LMNTD1: variants seen among roughly 807,000 people sequenced by gnomAD.
LMNTD1 encodes lamin tail domain containing 1.
In LMNTD1, 35 loss-of-function variants were observed where a neutral mutation model predicts 50.9. The ratio of observed to expected loss-of-function variants is 0.69; its 90% CI spans 0.53 to 0.91. The LOEUF (loss-of-function observed/expected upper bound fraction) is 0.91. Among genes scored for constraint, LMNTD1 ranks in the 40% least tolerant of loss-of-function variants. The pLI, the probability that LMNTD1 is intolerant of heterozygous loss-of-function variation, is 0.00. For synonymous variants in LMNTD1, 153 were observed against 161.9 expected (o/e 0.94, Z 0.42); for missense variants, 470 against 475.5 (o/e 0.99, Z 0.11).
intron 3 of LMNTD1, chr12:25,547,156 T>A: frequency 1.2e-6 from 1 of 835,308 alleles, no homozygotes; most frequent in Non-Finnish European, 1.4e-6. Context: ...ACAATATAGT[T>A]TTCATAATTT....
intron 1 of LMNTD1, among the ~76,000 whole-genome samples, chr12:25,635,101 A>G (rs774369367): frequency 9.1e-4 from 138 of 152,098 alleles, no homozygotes; most frequent in Non-Finnish European, 1.8e-3. Flanking sequence ...TTAGCCGGGC[A>G]TCGTGGCACA....
At chr12:25,578,902 G>T (rs1945150787) in intron 1 of LMNTD1, among the ~76,000 whole-genome samples, 1 of 152,136 alleles carries the variant, frequency 6.6e-6, no homozygotes, top group Admixed American at 6.5e-5. Flanking sequence ...AATATGATGT[G>T]CAATCTATAA....
intron 2 of LMNTD1, among the ~76,000 whole-genome samples, chr12:25,551,005 A>G (rs548090902): frequency 6.6e-6 from 1 of 152,362 alleles, no homozygotes; most frequent in South Asian, 2.1e-4. Flanking sequence ...TACACTATTG[A>G]GTATGACCGT....
chr12:25,562,971 T>C (rs1242505511), intron 1 of LMNTD1, among the ~76,000 whole-genome samples: 4 of 152,256 alleles, frequency 2.6e-5, no homozygotes, highest in African/African-American at 9.6e-5. Context: ...TCTCGTGCCA[T>C]GGTTTTCAGC....
intron 1 of LMNTD1, chr12:25,592,397 C>A (rs1945727129): frequency 6.6e-6 from 1 of 152,166 alleles, no homozygotes; most frequent in Non-Finnish European, 1.5e-5. Context: ...ACTGTGAGTG[C>A]CCAAACTTTG....
chr12:25,574,968 C>T (rs1027125209), intron 1 of LMNTD1, among the ~76,000 whole-genome samples: 1 of 152,136 alleles, frequency 6.6e-6, no homozygotes, highest in Non-Finnish European at 1.5e-5. Flanking sequence ...TTACCTGGCT[C>T]TTTGAGAGGT....
chr12:25,490,706 C>T (rs932830316), intron 9 of LMNTD1, among the ~76,000 whole-genome samples: 3 of 152,144 alleles, frequency 2.0e-5, no homozygotes, highest in African/African-American at 7.2e-5. Context: ...AGCCAGCAAT[C>T]CTAATTGAAT....
upstream of LMNTD1, among the ~76,000 whole-genome samples, chr12:25,554,057 C>T (rs1612039): frequency 0.64 from 97,241 of 152,038 alleles, 31,928 homozygotes; most frequent in Non-Finnish European, 0.71. Flanking sequence ...ACGTGTAACA[C>T]GTAATAAGGT....
chr12:25,590,397 C>T (rs1945660353), intron 1 of LMNTD1, among the ~76,000 whole-genome samples: 1 of 152,198 alleles, frequency 6.6e-6, no homozygotes, highest in Admixed American at 6.5e-5. Context: ...GCAGTCCGAA[C>T]TTGAGTTTCC....
intron 9 of LMNTD1, among the ~76,000 whole-genome samples, chr12:25,502,104 G>A (rs886157237): frequency 1.9e-4 from 29 of 152,106 alleles, no homozygotes; most frequent in African/African-American, 6.5e-4. Context: ...GTCTTTTACC[G>A]TGGTAGTTAA....
At chr12:25,622,463 G>GGCCC (rs1946491734) in intron 1 of LMNTD1, among the ~76,000 whole-genome samples, 15 of 111,218 alleles carry the variant, frequency 1.3e-4, no homozygotes, top group Non-Finnish European at 2.4e-4. Context: ...GAGTTTGTGA[G>GGCCC]CCCGCCCCCC....
chr12:25,552,202 A>C lies in LMNTD1; in HGVS notation c.89+669T>G, dbSNP rs923214616. Among the ~76,000 whole-genome samples, 11 of 152,316 alleles carry C rather than the reference A, an allele frequency of 7.2e-5. 1 individual carries two copies. The highest frequency in any genetic ancestry group is 1.5e-4 in the Non-Finnish European group (10 of 68,028). ...TATTAAATGTAAAAATAGGGATTAT[A>C]ATTTTATATAACATTCTTACGGACA... On this transcript the variant is annotated intron_variant, in intron 2 of 9. Transcript: ENST00000458174.
chr12:25,526,727 C>T, intron 5 of LMNTD1, 42 bp downstream of exon 5: 1 of 1,377,876 alleles, frequency 7.3e-7, no homozygotes, highest in South Asian at 1.4e-5. Flanking sequence ...CAAGTTTGTC[C>T]TGTACAATTC....
chr12:25,486,643 G>A (rs1938652853), intron 9 of LMNTD1, among the ~76,000 whole-genome samples: 1 of 150,050 alleles, frequency 6.7e-6, no homozygotes, highest in South Asian at 2.2e-4. Flanking sequence ...CTGTGGGTTT[G>A]TCATAGATAG....
chr12:25,623,421 G>T (rs1329330806), intron 1 of LMNTD1, among the ~76,000 whole-genome samples: 1 of 151,730 alleles, frequency 6.6e-6, no homozygotes, highest in Non-Finnish European at 1.5e-5. Context: ...GGGCATGGTG[G>T]CATGCACCTG....
chr12:25,583,411 CTCAT>C (rs1358410475), intron 1 of LMNTD1, among the ~76,000 whole-genome samples: 1 of 152,134 alleles, frequency 6.6e-6, no homozygotes, highest in Non-Finnish European at 1.5e-5. Context: ...TCAAGCAATC[CTCAT>C]TCCTTCTGCC....
chr12:25,495,225 CCTGCCAAAATCATAAA>C (rs889432918), intron 9 of LMNTD1, among the ~76,000 whole-genome samples: 1 of 146,388 alleles, frequency 6.8e-6, no homozygotes, highest in Admixed American at 7.0e-5. Flanking sequence ...TTTACTATTT[CCTGCCAAAATCATAAA>C]GTGTGTACGT....
At chr12:25,594,651 C>CAAAAAAAAAAAAAAAAAAAAAAAAAAAA (rs61299586) in intron 1 of LMNTD1, among the ~76,000 whole-genome samples, 2 of 69,904 alleles carry the variant, frequency 2.9e-5, no homozygotes, top group South Asian at 5.6e-4. Flanking sequence ...AACAGAAATA[C>CAAAAAAAAAAAAAAAAAAAAAAAAAAAA]AAAAAAAAAA....
chr12:25,478,287 T>C (rs1378671660), intron 9 of LMNTD1, among the ~76,000 whole-genome samples: 2 of 152,070 alleles, frequency 1.3e-5, no homozygotes, highest in Admixed American at 6.6e-5. Context: ...AAGACAATAA[T>C]AAGGTCATAA....
Sources: gnomAD v4.1 joint callset for allele counts (sites outside exome capture counted in the v4.1 genomes callset) on GRCh38, gnomAD v4.1.1 for gene constraint, MANE v1.5 for transcripts, NCBI Gene and HGNC (gene_info 2026-07-23, HGNC 2026-07-21) for gene names.